Variants in SRD5A1 observed in about 807,000 individuals in gnomAD.
SRD5A1 encodes 3-oxo-5-alpha-steroid 4-dehydrogenase 1.
A neutral mutation model predicts 28.2 loss-of-function variants in SRD5A1; 22 were observed. The observed-to-expected ratio is 0.78, with a 90% CI of 0.56 to 1.12. The LOEUF (loss-of-function observed/expected upper bound fraction) is 1.12, where lower values mean the gene tolerates loss of function less well. SRD5A1 is among the 50% of genes most tolerant of loss of function. The pLI is 0.00. For missense variants in SRD5A1, 300 were observed against 346.7 expected (o/e 0.87, Z 1.07); for synonymous variants, 151 against 135.0 (o/e 1.12, Z -0.82).
intron 1 of SRD5A1, among the ~76,000 whole-genome samples, chr5:6,638,074 C>T (rs1313618916): frequency 6.6e-6 from 1 of 152,234 alleles, no homozygotes; most frequent in Non-Finnish European, 1.5e-5. Context: ...CGCAGTGGCT[C>T]ATGCCTGTAA....
At chr5:6,657,358 G>A (rs1310627475) in intron 3 of SRD5A1, among the ~76,000 whole-genome samples, 1 of 152,118 alleles carries the variant, frequency 6.6e-6, no homozygotes, top group Non-Finnish European at 1.5e-5. Flanking sequence ...CCTCTCTTTG[G>A]TGTTGGGCTT....
intron 1 of SRD5A1, among the ~76,000 whole-genome samples, chr5:6,651,323 T>C (rs915556101): frequency 6.6e-6 from 1 of 152,240 alleles, no homozygotes; most frequent in African/African-American, 2.4e-5. Flanking sequence ...GTTTGTACAC[T>C]GTGGTAAACA....
intron 4 of SRD5A1, among the ~76,000 whole-genome samples, chr5:6,663,403 A>G (rs1739070078): frequency 6.6e-6 from 1 of 152,226 alleles, no homozygotes; most frequent in South Asian, 2.1e-4. Flanking sequence ...AGAGCTCTCC[A>G]GCTATGTGGT....
chr5:6,661,910 G>A (rs958752288), intron 3 of SRD5A1, among the ~76,000 whole-genome samples: 3 of 152,106 alleles, frequency 2.0e-5, no homozygotes, highest in African/African-American at 7.2e-5. Context: ...TGTCCAGTTG[G>A]AACCTGGGGC....
chr5:6,671,336 C>T lies in SRD5A1; in HGVS notation c.*3068C>T, dbSNP rs1329372387. On this transcript the variant is annotated 3_prime_UTR_variant, in exon 5 of 5. Coordinates refer to ENST00000274192, the MANE Select transcript of SRD5A1 (RefSeq NM_001047.4). ...GAATTGTCTATTCATGTCCTTAACCCACTTTTTGATGGGATTGTTTGTTTT... is the reference window on the plus strand; with the variant it reads ...GAATTGTCTATTCATGTCCTTAACCTACTTTTTGATGGGATTGTTTGTTTT... The T allele has an allele frequency of 6.6e-6, 1 of 151,980 alleles. No homozygotes were observed. The highest frequency in any genetic ancestry group is 1.5e-5 in the Non-Finnish European group (1 of 67,994). The allele number at this position is 151,980 out of a possible 1,614,324, so 9.4% of individuals were successfully genotyped here.
chr5:6,642,673 T>G (rs1159872501), intron 1 of SRD5A1, among the ~76,000 whole-genome samples: 1 of 152,250 alleles, frequency 6.6e-6, no homozygotes, highest in Non-Finnish European at 1.5e-5. Context: ...CTTGCAGCTT[T>G]AGGTTGAATT....
At chr5:6,639,457 A>G (rs1738295876) in intron 1 of SRD5A1, among the ~76,000 whole-genome samples, 1 of 152,242 alleles carries the variant, frequency 6.6e-6, no homozygotes, top group Non-Finnish European at 1.5e-5. Context: ...GCTTAGGAGC[A>G]GACGTTTGAG....
rs968971938 is a variant in SRD5A1, at chr5:6,670,629, C to T, written c.*2361C>T. ...GCTGAGGACGGATGGGTAGAAAAAACAGTCCTGGCCCAGGTGGAGTGACAG... is the reference window on the plus strand; with the variant it reads ...GCTGAGGACGGATGGGTAGAAAAAATAGTCCTGGCCCAGGTGGAGTGACAG... On this transcript the variant is annotated 3_prime_UTR_variant, in exon 5 of 5. Transcript: ENST00000274192. The T allele has an allele frequency of 2.0e-5, 3 of 152,214 alleles. No individual in the cohort carries two copies. The allele number at this position is 152,214 out of a possible 1,614,324, so 9.4% of individuals were successfully genotyped here. A position where few individuals can be genotyped will look rare whatever the true frequency, so the allele number is the denominator to read the frequency against.
chr5:6,633,706 C>T lies in SRD5A1; in HGVS notation c.130C>T (p.Pro44Ser). 3.1e-6 allele frequency: 5 copies of T among 1,592,486 alleles called. No homozygotes were observed. Among genetic ancestry groups the T allele is most frequent in the Non-Finnish European group, 4.2e-6 (5 of 1,177,036 alleles). Reference protein sequence around the residue: ...TNSVYGRHALPSHRLRVPARA... With the variant: ...TNSVYGRHALSSHRLRVPARA... ...CTCAGTGTACGGCCGCCACGCGCTGCCCAGCCACAGGCTCCGAGTGCCGGC... is the reference window on the plus strand; with the variant it reads ...CTCAGTGTACGGCCGCCACGCGCTGTCCAGCCACAGGCTCCGAGTGCCGGC... Residue 44 changes from proline (P) to serine (S), a missense_variant, in exon 1 of 5, where the codon CCC (proline) becomes TCC (serine). This residue lies in a region of SRD5A1 where 174 missense variants were observed against 160.9 expected (regional missense o/e 1.08). Transcript: ENST00000274192.
intron 4 of SRD5A1, among the ~76,000 whole-genome samples, chr5:6,666,394 C>T (rs968850111): frequency 8.5e-5 from 13 of 152,110 alleles, no homozygotes; most frequent in Admixed American, 4.6e-4. Context: ...GTGATTTGCC[C>T]GCCTCAGCCT....
At chr5:6,658,703 T>G (rs1218653786) in intron 3 of SRD5A1, among the ~76,000 whole-genome samples, 1 of 152,112 alleles carries the variant, frequency 6.6e-6, no homozygotes, top group African/African-American at 2.4e-5. Context: ...CTAACCAGGC[T>G]CAGCCTTGCT....
chr5:6,654,392 T>C (rs1738774384), intron 2 of SRD5A1, among the ~76,000 whole-genome samples: 2 of 150,610 alleles, frequency 1.3e-5, no homozygotes, highest in South Asian at 4.2e-4. Flanking sequence ...ACAGCAAAAG[T>C]GGTTAATCTA....
chr5:6,654,431 T>G (rs939078985), intron 2 of SRD5A1, among the ~76,000 whole-genome samples: 4 of 134,270 alleles, frequency 3.0e-5, no homozygotes, highest in African/African-American at 5.9e-5. Flanking sequence ...TTTTAAGTTT[T>G]TTTTTTGTTT....
At chr5:6,645,172 G>A (rs571596792) in intron 1 of SRD5A1, 44 of 366,284 alleles carry the variant, frequency 1.2e-4, no homozygotes, top group African/African-American at 8.5e-4. Context: ...AGGATGCACA[G>A]CCAGCATGAC....
chr5:6,656,022 G>C, intron 2 of SRD5A1, 56 bp from the exon 3 acceptor site: 1 of 1,314,664 alleles, frequency 7.6e-7, no homozygotes, highest in Non-Finnish European at 1.1e-6. Context: ...GCTGGGGCTC[G>C]TAGTGAAATT....
At position 6,633,623 on chromosome 5, in the gene SRD5A1, T is replaced by C. The variant is rs1738054740; in HGVS notation, c.47T>C (p.Leu16Pro). Residue 16 changes from leucine (L) to proline (P), a missense_variant, in exon 1 of 5, where the codon CTC becomes CCC. By Grantham distance (98) the Leu-to-Pro change is moderately conservative. This residue lies in a region of SRD5A1 where 174 missense variants were observed against 160.9 expected (regional missense o/e 1.08). Coordinates refer to ENST00000274192, the MANE Select transcript of SRD5A1 (RefSeq NM_001047.4). ...GCGGAGGAGCGCCTGCTGGCCGCGC[T>C]CGCCTACCTGCAGTGCGCCGTGGGC... is the stretch of plus-strand genomic sequence containing the variant. ...GVAEERLLAALAYLQCAVGCA... is the reference protein window; with the variant it reads ...GVAEERLLAAPAYLQCAVGCA... 6.5e-7 allele frequency: 1 copy of C among 1,534,926 alleles called. No individual in the cohort carries two copies. The highest frequency in any genetic ancestry group is 1.4e-5 in the African/African-American group (1 of 71,348).
intron 1 of SRD5A1, among the ~76,000 whole-genome samples, chr5:6,641,186 T>C (rs1178054997): frequency 6.6e-6 from 1 of 152,238 alleles, no homozygotes; most frequent in Non-Finnish European, 1.5e-5. Flanking sequence ...CTGTCATTTA[T>C]GCCTGGGGTC....
At chr5:6,649,360 C>T (rs1015388335) in intron 1 of SRD5A1, among the ~76,000 whole-genome samples, 3 of 152,208 alleles carry the variant, frequency 2.0e-5, no homozygotes, top group Admixed American at 1.3e-4. Flanking sequence ...CAGGGAGCTG[C>T]GGTTGGCTCT....
At chr5:6,663,916 A>G (rs531219677) in intron 4 of SRD5A1, among the ~76,000 whole-genome samples, 11 of 152,288 alleles carry the variant, frequency 7.2e-5, no homozygotes, top group African/African-American at 2.6e-4. Context: ...AAGTGAATTT[A>G]GAGAACATCT....
Sources: gnomAD v4.1 joint callset for allele counts (sites outside exome capture counted in the v4.1 genomes callset) on GRCh38, gnomAD v4.1.1 for gene constraint, gnomAD v4.1.1 regional missense constraint, MANE v1.5 for transcripts, NCBI Gene and HGNC (gene_info 2026-07-23, HGNC 2026-07-21) for gene names.